Variants in WDR70 observed in about 807,000 individuals in gnomAD.
WDR70 encodes WD repeat domain 70, also known as WD repeat-containing protein 70.
A neutral mutation model predicts 88.6 loss-of-function variants in WDR70; 53 were observed. The ratio of observed to expected loss-of-function variants is 0.60; its 90% confidence interval spans 0.48 to 0.75. The LOEUF is 0.75. Ranked by LOEUF, WDR70 falls within the 30% of genes least tolerant of loss-of-function variation. The pLI is 0.00. For missense variants in WDR70, 610 were observed against 823.2 expected, an observed-to-expected ratio of 0.74 and a Z score of 3.17; for synonymous variants, 280 against 270.0, an observed-to-expected ratio of 1.04 and a Z score of -0.36.
intron 9 of WDR70, among the ~76,000 whole-genome samples, chr5:37,529,490 AT>A (rs1439591929): frequency 6.6e-6 from 1 of 151,808 alleles, no homozygotes; most frequent in Non-Finnish European, 1.5e-5. Flanking sequence ...GTCATCTAAG[AT>A]TTTTTCAGTA....
intron 9 of WDR70, among the ~76,000 whole-genome samples, chr5:37,552,914 C>G (rs2112353315): frequency 6.6e-6 from 1 of 152,254 alleles, no homozygotes; most frequent in South Asian, 2.1e-4. Context: ...TTCAGAGTAA[C>G]AAGAAGCCCT....
intron 9 of WDR70, among the ~76,000 whole-genome samples, chr5:37,563,682 C>T (rs866481319): frequency 3.2e-4 from 33 of 103,272 alleles, no homozygotes; most frequent in African/African-American, 8.5e-4. Context: ...CCCTCCCGGA[C>T]GGGGCGGCTG....
At chr5:37,564,762 A>G (rs987205988) in intron 9 of WDR70, among the ~76,000 whole-genome samples, 3 of 152,220 alleles carry the variant, frequency 2.0e-5, no homozygotes, top group Non-Finnish European at 2.9e-5. Flanking sequence ...ATAGGATCCA[A>G]TAAAATTCAT....
At chr5:37,420,077 T>C (rs1347800608) in intron 5 of WDR70, among the ~76,000 whole-genome samples, 4 of 152,022 alleles carry the variant, frequency 2.6e-5, no homozygotes, top group Non-Finnish European at 5.9e-5. Context: ...AAGAAAGTAT[T>C]CTTGGTCAGC....
intron 13 of WDR70, among the ~76,000 whole-genome samples, chr5:37,711,225 T>C (rs1747502900): frequency 6.6e-6 from 1 of 152,220 alleles, no homozygotes; most frequent in Non-Finnish European, 1.5e-5. Flanking sequence ...TTGACATAAC[T>C]GTGCCACAAG....
At chr5:37,398,313 C>A (rs1487993594) in intron 5 of WDR70, among the ~76,000 whole-genome samples, 1 of 151,828 alleles carries the variant, frequency 6.6e-6, no homozygotes, top group African/African-American at 2.4e-5. Context: ...TGGTCTCGAT[C>A]TCCTGACCTC....
At chr5:37,696,076 T>C (rs6451339) in intron 10 of WDR70, among the ~76,000 whole-genome samples, 37,150 of 152,104 alleles carry the variant, frequency 0.24, 5,159 homozygotes, top group Admixed American at 0.38. Context: ...TCGCTCTGTG[T>C]GCTGATCTGT....
intron 10 of WDR70, among the ~76,000 whole-genome samples, chr5:37,650,123 C>T (rs548263532): frequency 3.3e-4 from 50 of 150,630 alleles, no homozygotes; most frequent in East Asian, 1.4e-3. Flanking sequence ...TTGGGCCGGG[C>T]GCAGTGGCTC....
rs550821207 is a variant in WDR70 at position 37,500,716 on chromosome 5, C to CTT, written c.841-15773_841-15772dup. 8.4e-3 allele frequency among the ~76,000 whole-genome samples: 533 copies of CTT among 63,260 alleles called. 100 individuals are homozygous for CTT. Among genetic ancestry groups the CTT allele is most frequent in the African/African-American group, 0.026 (497 of 18,828 alleles). The allele number at this position is 63,260 out of a possible 152,430, so 41.5% of individuals were successfully genotyped here. On this transcript the variant is annotated intron_variant, in intron 8 of 17. Transcript: ENST00000265107. Reference sequence around the variant, plus strand: ...GAGCATTTTATCATATATTTGTTGGCTTTTTTTTTTTTTTTTTTTTTTTTT... The same window carrying CTT: ...GAGCATTTTATCATATATTTGTTGGCTTTTTTTTTTTTTTTTTTTTTTTTTTT...
chr5:37,624,569 C>T (rs1343827943), intron 10 of WDR70, among the ~76,000 whole-genome samples: 1 of 152,132 alleles, frequency 6.6e-6, no homozygotes, highest in East Asian at 1.9e-4. Context: ...TAAGGGAGAG[C>T]TTTCCCTTGG....
chr5:37,651,524 C>T (rs1745408973), intron 10 of WDR70, among the ~76,000 whole-genome samples: 1 of 152,114 alleles, frequency 6.6e-6, no homozygotes, highest in African/African-American at 2.4e-5. Flanking sequence ...GTTCTAGATC[C>T]TTGAGGAATT....
At chr5:37,482,056 C>T (rs1392356481) in intron 8 of WDR70, among the ~76,000 whole-genome samples, 1 of 152,166 alleles carries the variant, frequency 6.6e-6, no homozygotes, top group Non-Finnish European at 1.5e-5. Flanking sequence ...CATCTGAGAC[C>T]ACCTCTGCCT....
chr5:37,678,054 C>T (rs1349028540), intron 10 of WDR70, among the ~76,000 whole-genome samples: 1 of 152,002 alleles, frequency 6.6e-6, no homozygotes, highest in Admixed American at 6.6e-5. Flanking sequence ...GGATTGCAAC[C>T]CCTGCCTTTT....
intron 8 of WDR70, chr5:37,505,705 A>T: frequency 1.0e-6 from 1 of 1,003,308 alleles, no homozygotes; most frequent in Non-Finnish European, 1.6e-6. Flanking sequence ...ACATTTTGCG[A>T]CATGTATAGT....
At chr5:37,556,004 C>G (rs976928975) in intron 9 of WDR70, among the ~76,000 whole-genome samples, 1 of 152,126 alleles carries the variant, frequency 6.6e-6, no homozygotes, top group African/African-American at 2.4e-5. Flanking sequence ...CAGGTGTGAG[C>G]TATTGCACCC....
chr5:37,453,455 GCA>G (rs1270333762), intron 7 of WDR70, among the ~76,000 whole-genome samples: 1 of 152,262 alleles, frequency 6.6e-6, no homozygotes, highest in African/African-American at 2.4e-5. Context: ...TGTCCTTAAG[GCA>G]CAGCTCGCTG....
chr5:37,527,407 T>A (rs1451791230), intron 9 of WDR70, among the ~76,000 whole-genome samples: 1 of 152,232 alleles, frequency 6.6e-6, no homozygotes, highest in Admixed American at 6.5e-5. Context: ...TAATAAATGA[T>A]GCTGTGAAAA....
At chr5:37,660,021 A>G (rs1165924052) in intron 10 of WDR70, among the ~76,000 whole-genome samples, 2 of 152,096 alleles carry the variant, frequency 1.3e-5, no homozygotes, top group East Asian at 3.8e-4. Context: ...TTTGTGATTT[A>G]TTTTTGAACT....
rs1748862435 is a variant in WDR70 at position 37,753,251 on chromosome 5, A to T, written c.*678A>T. The T allele has an allele frequency of 6.6e-6, 1 of 152,246 alleles. No individual in the cohort carries two copies. The allele number at this position is 152,246 out of a possible 1,614,324, so 9.4% of individuals were successfully genotyped here. Reference sequence around the variant, plus strand: ...AGGTTCGTCAGAAGAATTAAATGGGACATGCCTCACAGAGCATTTAGTACA... The same window carrying T: ...AGGTTCGTCAGAAGAATTAAATGGGTCATGCCTCACAGAGCATTTAGTACA... On this transcript the variant is annotated 3_prime_UTR_variant, in exon 18 of 18. Coordinates refer to ENST00000265107, the MANE Select transcript of WDR70 (RefSeq NM_018034.4).
Sources: allele counts gnomAD v4.1 joint callset (sites outside exome capture counted in the v4.1 genomes callset), GRCh38; gene constraint gnomAD v4.1.1; transcripts MANE v1.5; gene names NCBI Gene and HGNC (gene_info 2026-07-23, HGNC 2026-07-21).